CYP39A1: variants seen among roughly 807,000 people sequenced by gnomAD.
CYP39A1 encodes the protein 24-hydroxycholesterol 7-alpha-hydroxylase.
In CYP39A1, 49 loss-of-function variants were observed where a neutral mutation model predicts 58.1. That is an observed-to-expected ratio of 0.84 (90% confidence interval 0.67 to 1.07). CYP39A1 has a LOEUF of 1.07. Ranked by LOEUF, CYP39A1 falls within the 50% of genes least tolerant of loss-of-function variation. CYP39A1 has a pLI of 0.00. For missense variants in CYP39A1, 531 were observed against 539.4 expected, an observed-to-expected ratio of 0.98 and a Z score of 0.16; for synonymous variants, 209 against 187.6, an observed-to-expected ratio of 1.11 and a Z score of -0.93.
intron 10 of CYP39A1, among the ~76,000 whole-genome samples, chr6:46,578,379 C>T (rs1197636235): frequency 6.6e-6 from 1 of 151,878 alleles, no homozygotes; most frequent in South Asian, 2.1e-4. Context: ...AAACCAAGCA[C>T]AAACCAACCC....
At chr6:46,580,966 C>T (rs1772100434) in intron 10 of CYP39A1, among the ~76,000 whole-genome samples, 1 of 152,120 alleles carries the variant, frequency 6.6e-6, no homozygotes, top group African/African-American at 2.4e-5. Flanking sequence ...CTTAGAACTA[C>T]CATTCAACCC....
chr6:46,550,610 C>A (rs1770340387), intron 11 of CYP39A1, among the ~76,000 whole-genome samples, 173 bp from the exon 12 acceptor site: 1 of 152,182 alleles, frequency 6.6e-6, no homozygotes, highest in African/African-American at 2.4e-5. Context: ...TTTAGCCTTC[C>A]ATTCAGGCAG....
chr6:46,573,119 T>C (rs998390125), intron 10 of CYP39A1, among the ~76,000 whole-genome samples: 1 of 152,160 alleles, frequency 6.6e-6, no homozygotes, highest in African/African-American at 2.4e-5. Context: ...AAAATAATTA[T>C]TTTTAATTCC....
At chr6:46,609,363 A>G (rs949039669) in intron 7 of CYP39A1, among the ~76,000 whole-genome samples, 5 of 150,232 alleles carry the variant, frequency 3.3e-5, no homozygotes, top group African/African-American at 7.5e-5. Context: ...AGTCCGCGCC[A>G]CTGAGTCCGC....
intron 5 of CYP39A1, among the ~76,000 whole-genome samples, chr6:46,633,129 C>G (rs1380270916): frequency 1.3e-5 from 2 of 152,048 alleles, no homozygotes; most frequent in African/African-American, 4.8e-5. Flanking sequence ...ATGCTTGCCA[C>G]AAGGTAAGCA....
intron 7 of CYP39A1, among the ~76,000 whole-genome samples, chr6:46,608,168 T>C (rs1202703875): frequency 6.6e-6 from 1 of 152,270 alleles, no homozygotes; most frequent in African/African-American, 2.4e-5. Flanking sequence ...AATTAGTGTT[T>C]ATACTGTCAC....
At chr6:46,602,015 C>T (rs1471485694) in intron 7 of CYP39A1, among the ~76,000 whole-genome samples, 11 of 151,984 alleles carry the variant, frequency 7.2e-5, no homozygotes, top group Non-Finnish European at 1.2e-4. Flanking sequence ...TAAAATAACC[C>T]GGGATCCCCC....
rs144622436 is a variant in CYP39A1 at position 46,631,036 on chromosome 6, G to C, written c.767C>G (p.Thr256Arg). ...LLQATLDIVETETSKENSPNY... is the reference protein window; with the variant it reads ...LLQATLDIVERETSKENSPNY... ...GGGTGAGTTTTCCTTACTTGTTTCCGTCTCTACAATATCCAGCGTAGCTTG... is the reference window on the plus strand; with the variant it reads ...GGGTGAGTTTTCCTTACTTGTTTCCCTCTCTACAATATCCAGCGTAGCTTG... The change falls in exon 6 of 12, where the codon ACG (threonine) becomes AGG (arginine). Residue 256 changes from threonine (T) to arginine (R), a missense_variant. Thr to Arg is a moderately conservative substitution (Grantham distance 71). Transcript: ENST00000275016. 64 of 1,613,764 alleles carry C rather than the reference G, an allele frequency of 4.0e-5. No individual in the cohort carries two copies. The highest frequency in any genetic ancestry group is 5.3e-5 in the Non-Finnish European group (63 of 1,179,940).
At position 46,588,106 on chromosome 6, in the gene CYP39A1, G is replaced by A. The variant is rs752238492; in HGVS notation, c.1089C>T (p.Asp363=). Residue 363 remains aspartate, a synonymous_variant, in exon 9 of 12, where the codon GAC becomes GAT. Coordinates refer to ENST00000275016, the MANE Select transcript of CYP39A1 (RefSeq NM_016593.5). ...GCCAAAATGGAGACAACATCAACAA[G>A]TCACCAGAAGGAATGATGTAATTCT... The part of the protein sequence containing the change: ...EILNYIIPSG[D]LLMLSPFWLH... 1 of 1,594,656 alleles carries A rather than the reference G, an allele frequency of 6.3e-7. No individual in the cohort carries two copies. Among genetic ancestry groups the A allele is most frequent in the South Asian group, 1.1e-5 (1 of 87,494 alleles).
At chr6:46,635,544 G>A (rs952658227) in intron 5 of CYP39A1, among the ~76,000 whole-genome samples, 1 of 150,632 alleles carries the variant, frequency 6.6e-6, no homozygotes, top group African/African-American at 2.5e-5. Context: ...CCTCAGAGGT[G>A]TTTGTTTGTT....
intron 7 of CYP39A1, 62 bp from the exon 8 acceptor site, chr6:46,596,182 A>G (rs1773147219): frequency 7.5e-7 from 1 of 1,340,032 alleles, no homozygotes; most frequent in Non-Finnish European, 1.0e-6. Context: ...GATTTCACGT[A>G]AGCTCATCAG....
intron 7 of CYP39A1, among the ~76,000 whole-genome samples, chr6:46,599,573 C>T (rs147766533): frequency 1.3e-5 from 2 of 152,060 alleles, no homozygotes; most frequent in African/African-American, 4.8e-5. Flanking sequence ...CAGATGAATC[C>T]AGAGATGACA....
At position 46,616,171 on chromosome 6, in the gene CYP39A1, CT is replaced by C. The variant is rs1213307074; in HGVS notation, c.931+9246del. On this transcript the variant is annotated intron_variant, in intron 7 of 11. Coordinates refer to ENST00000275016, the MANE Select transcript of CYP39A1 (RefSeq NM_016593.5). The stretch of plus-strand genomic sequence containing the variant: ...TTCTTTCTTTCTTTCTTTTTTCTTT[CT>C]TTCTTTCTTTCTTTCTTCTTTCCCT... Among the ~76,000 whole-genome samples, 268 of 30,918 alleles carry C rather than the reference CT, an allele frequency of 8.7e-3. 23 individuals carry two copies. The highest frequency in any genetic ancestry group is 0.011 in the Non-Finnish European group (190 of 16,896). The allele number at this position is 30,918 out of a possible 152,430, so 20.3% of individuals were successfully genotyped here.
At chr6:46,614,409 C>A (rs1349811375) in intron 7 of CYP39A1, among the ~76,000 whole-genome samples, 1 of 152,184 alleles carries the variant, frequency 6.6e-6, no homozygotes, top group African/African-American at 2.4e-5. Context: ...GTTTCCATCA[C>A]ACAAGAACCG....
intron 7 of CYP39A1, among the ~76,000 whole-genome samples, chr6:46,609,517 G>A (rs1008202256): frequency 6.6e-6 from 1 of 151,658 alleles, no homozygotes; most frequent in Admixed American, 6.6e-5. Context: ...TATCTTTTTT[G>A]AAAAGAGTAG....
chr6:46,638,344 T>TAACAAC (rs908998798), intron 3 of CYP39A1, among the ~76,000 whole-genome samples: 1 of 151,650 alleles, frequency 6.6e-6, no homozygotes, highest in Non-Finnish European at 1.5e-5. Context: ...ACAACAACAA[T>TAACAAC]AACAACAACA....
intron 8 of CYP39A1, among the ~76,000 whole-genome samples, chr6:46,591,215 T>G (rs530786130): frequency 6.6e-6 from 1 of 152,152 alleles, no homozygotes; most frequent in Non-Finnish European, 1.5e-5. Flanking sequence ...TACATTTTTA[T>G]GTTTGAGAGT....
At chr6:46,596,222 G>A in intron 7 of CYP39A1, 102 bp from the exon 8 acceptor site, 1 of 801,236 alleles carries the variant, frequency 1.2e-6, no homozygotes, top group Non-Finnish European at 1.9e-6. Flanking sequence ...CTGACAGCAA[G>A]TAAAGTGTTC....
intron 10 of CYP39A1, among the ~76,000 whole-genome samples, chr6:46,569,997 C>G (rs903683418): frequency 6.6e-6 from 1 of 151,990 alleles, no homozygotes; most frequent in African/African-American, 2.4e-5. Context: ...ATGGGCTTTT[C>G]TTTGATAGGA....
Sources: gnomAD v4.1 joint callset for allele counts (sites outside exome capture counted in the v4.1 genomes callset) on GRCh38, gnomAD v4.1.1 for gene constraint, MANE v1.5 for transcripts, NCBI Gene and HGNC (gene_info 2026-07-23, HGNC 2026-07-21) for gene names.